SRD5A3: variants seen among roughly 807,000 people sequenced by gnomAD.
The protein encoded by SRD5A3 is steroid 5 alpha-reductase 3.
In SRD5A3, 24 loss-of-function variants were observed where a neutral mutation model predicts 34.3. The ratio of observed to expected loss-of-function variants is 0.70; its 90% confidence interval spans 0.51 to 0.99. The LOEUF is 0.99. SRD5A3 is among the 50% of genes least tolerant of loss of function. The pLI, the probability that SRD5A3 is intolerant of heterozygous loss-of-function variation, is 0.00. For synonymous variants in SRD5A3, 161 were observed against 167.3 expected, an observed-to-expected ratio of 0.96 and a Z score of 0.29; for missense variants, 350 against 388.2, an observed-to-expected ratio of 0.90 and a Z score of 0.83.
rs1399647090 is a variant in SRD5A3, at chr4:55,346,315, G to A, written c.-22G>A. On this transcript the variant is annotated 5_prime_UTR_variant, in exon 1 of 5. Coordinates refer to ENST00000264228, the MANE Select transcript of SRD5A3 (RefSeq NM_024592.5). ...AGCGGGCGGTGGGGGCGCCAGCAGC[G>A]CGGAAGGCGGGCACGCGGGCCATGG... 5.7e-6 allele frequency: 8 copies of A among 1,401,524 alleles called. No homozygotes were observed. The highest frequency in any genetic ancestry group is 7.4e-6 in the Non-Finnish European group (8 of 1,082,552). 86.8% of individuals were successfully genotyped at this position (1,401,524 alleles called of 1,614,324 possible).
intron 1 of SRD5A3, among the ~76,000 whole-genome samples, chr4:55,348,571 A>T (rs1398968265): frequency 2.6e-5 from 4 of 152,186 alleles, no homozygotes; most frequent in African/African-American, 9.7e-5. Flanking sequence ...ATGGCTAAGG[A>T]GCATGTGGGA....
intron 1 of SRD5A3, among the ~76,000 whole-genome samples, chr4:55,349,283 A>G (rs112597458): frequency 0.014 from 2,063 of 152,150 alleles, 45 homozygotes; most frequent in African/African-American, 0.048. Context: ...TGATCCACCC[A>G]CCTTGGCCTC....
Position 55,367,725 on chromosome 4 carries a change from G to C in SRD5A3, c.697+3G>C, listed in dbSNP as rs184130835. 5.0e-6 allele frequency: 8 copies of C among 1,614,060 alleles called. No homozygotes were observed. Among genetic ancestry groups the C allele is most frequent in the Non-Finnish European group, 8.5e-7 (1 of 1,180,000 alleles). ...CAATCTCAGGAAAAATAAAGCAGGTGAGACCTCTTTTAGAGCCTCTGCATA... is the reference window on the plus strand; with the variant it reads ...CAATCTCAGGAAAAATAAAGCAGGTCAGACCTCTTTTAGAGCCTCTGCATA... On this transcript the variant is annotated splice_donor_region_variant and intron_variant, in intron 4 of 4. Transcript: ENST00000264228.
At chr4:55,367,764 T>A (rs1204747355) in intron 4 of SRD5A3, 42 bp downstream of exon 4, 1 of 1,613,104 alleles carries the variant, frequency 6.2e-7, no homozygotes, top group Non-Finnish European at 8.5e-7. Context: ...ATTTTAACCC[T>A]CAGAAGTTAG....
In SRD5A3 at chr4:55,352,158, G is replaced by C. The variant is rs1179727357; in HGVS notation, c.221+5601G>C. 3.5e-6 allele frequency: 3 copies of C among 867,726 alleles called. No homozygotes were observed. In the East Asian group the frequency reaches 7.2e-5, roughly 21 times the overall value. The allele number at this position is 867,726 out of a possible 1,614,324, so 53.8% of individuals were successfully genotyped here. A position where few individuals can be genotyped will look rare whatever the true frequency, so the allele number is the denominator to read the frequency against. ...TCCATCATTGACTGCACTAAGTCTG[G>C]TTTGGCTTTTATGGAAAAGTTGATA... On this transcript the variant is annotated intron_variant, in intron 1 of 4. Transcript: ENST00000264228.
At chr4:55,354,806 CTG>C (rs150871428) in intron 1 of SRD5A3, among the ~76,000 whole-genome samples, 21 of 152,312 alleles carry the variant, frequency 1.4e-4, no homozygotes, top group Admixed American at 4.6e-4. Flanking sequence ...ATAAAATTTA[CTG>C]TGTGTGTGTG....
In SRD5A3 at chr4:55,370,412, C is replaced by T. The variant is rs13149568; in HGVS notation, c.*321C>T. ...TTCACAAGCAAACTAACCGAAAAAC[C>T]GAAAATATACAAACAGCTTCACACA... On this transcript the variant is annotated 3_prime_UTR_variant, in exon 5 of 5. Coordinates refer to ENST00000264228, the MANE Select transcript of SRD5A3 (RefSeq NM_024592.5). 0.37 allele frequency: 125,503 copies of T among 335,576 alleles called. 23,883 individuals are homozygous for T. Among genetic ancestry groups the T allele is most frequent in the East Asian group, 0.58 (8,286 of 14,244 alleles). 20.8% of individuals were successfully genotyped at this position (335,576 alleles called of 1,614,324 possible).
At chr4:55,361,151 T>C (rs1164457642) in intron 2 of SRD5A3, among the ~76,000 whole-genome samples, 2 of 152,118 alleles carry the variant, frequency 1.3e-5, no homozygotes, top group African/African-American at 4.8e-5. Context: ...CTTTTCTGTA[T>C]AACCAGATAA....
At chr4:55,346,668 G>T in intron 1 of SRD5A3, 111 bp downstream of exon 1, 1 of 1,045,576 alleles carries the variant, frequency 9.6e-7, no homozygotes, top group Non-Finnish European at 1.3e-6. Context: ...GGCCTGGGAG[G>T]CCCTGGCGGG....
intron 1 of SRD5A3, chr4:55,351,937 C>T: frequency 1.4e-6 from 1 of 719,020 alleles, no homozygotes; most frequent in South Asian, 1.4e-5. Flanking sequence ...TCAACTGTGG[C>T]CACAATATAA....
chr4:55,365,216 C>T (rs1719842124), intron 3 of SRD5A3, among the ~76,000 whole-genome samples: 1 of 152,160 alleles, frequency 6.6e-6, no homozygotes, highest in Non-Finnish European at 1.5e-5. Flanking sequence ...CCTGTCCATC[C>T]TTGTAAACTC....
chr4:55,363,347 T>A (rs1360468821), intron 2 of SRD5A3, among the ~76,000 whole-genome samples: 1 of 152,048 alleles, frequency 6.6e-6, no homozygotes, highest in Non-Finnish European at 1.5e-5. Flanking sequence ...AGACAGAGGA[T>A]CACTTGAGCT....
At chr4:55,362,278 C>T (rs1309717282) in intron 2 of SRD5A3, among the ~76,000 whole-genome samples, 4 of 151,856 alleles carry the variant, frequency 2.6e-5, no homozygotes, top group African/African-American at 4.8e-5. Flanking sequence ...CAGGCATGCG[C>T]CACCATGCCC....
chr4:55,353,343 A>G (rs1025204503), intron 1 of SRD5A3, among the ~76,000 whole-genome samples: 3 of 152,170 alleles, frequency 2.0e-5, no homozygotes, highest in Admixed American at 6.5e-5. Flanking sequence ...GTAAAAATGC[A>G]CCAATCAGCG....
chr4:55,356,031 C>CTT (rs1553881588), intron 1 of SRD5A3, among the ~76,000 whole-genome samples: 1 of 33,752 alleles, frequency 3.0e-5, no homozygotes, highest in Non-Finnish European at 6.2e-5. Flanking sequence ...TTTTTTGATG[C>CTT]AAAGTCTTGC....
chr4:55,362,230 C>T (rs1039322026), intron 2 of SRD5A3, among the ~76,000 whole-genome samples: 4 of 151,596 alleles, frequency 2.6e-5, no homozygotes, highest in Non-Finnish European at 4.4e-5. Flanking sequence ...CGGGTTCAAG[C>T]GATTCTCCTG....
At chr4:55,358,181 A>G (rs1331353198) in intron 1 of SRD5A3, among the ~76,000 whole-genome samples, 3 of 152,180 alleles carry the variant, frequency 2.0e-5, no homozygotes, top group African/African-American at 7.2e-5. Context: ...AGAGTCAGAA[A>G]GGTTTCAGAC....
intron 1 of SRD5A3, among the ~76,000 whole-genome samples, chr4:55,356,517 CT>C (rs199784234): frequency 0.012 from 1,886 of 152,214 alleles, 45 homozygotes; most frequent in African/African-American, 0.042. Flanking sequence ...CAGAATCTCG[CT>C]TTGTCACCCA....
In SRD5A3 at chr4:55,355,352, G is replaced by C. The variant is rs897030490; in HGVS notation, c.222-3994G>C. On this transcript the variant is annotated intron_variant, in intron 1 of 4. Coordinates refer to ENST00000264228, the MANE Select transcript of SRD5A3 (RefSeq NM_024592.5). The stretch of plus-strand genomic sequence containing the variant: ...GGGCGCCTATAGTTCCAGCTACTCG[G>C]GGGGCTGAGGCAGGAGAATGGCGTG... Among the ~76,000 whole-genome samples the C allele has an allele frequency of 2.6e-5, 4 of 152,164 alleles. No individual in the cohort carries two copies. The East Asian group carries it at 7.7e-4, about 29-fold the overall frequency.
Sources: gnomAD v4.1 joint callset for allele counts (sites outside exome capture counted in the v4.1 genomes callset) on GRCh38, gnomAD v4.1.1 for gene constraint, MANE v1.5 for transcripts, NCBI Gene and HGNC (gene_info 2026-07-23, HGNC 2026-07-21) for gene names.